MARCHF1: variants seen among roughly 807,000 people sequenced by gnomAD.
MARCHF1 encodes E3 ubiquitin-protein ligase MARCHF1.
A neutral mutation model predicts 54.2 loss-of-function variants in MARCHF1; 40 were observed. That is an observed-to-expected ratio of 0.74 (90% CI 0.57 to 0.96). The LOEUF is 0.96. MARCHF1 is among the 40% of genes least tolerant of loss of function. MARCHF1 has a pLI of 0.00. For missense variants in MARCHF1, 586 were observed against 656.5 expected, an observed-to-expected ratio of 0.89 and a Z score of 1.17; for synonymous variants, 236 against 236.3, an observed-to-expected ratio of 1.00 and a Z score of 0.01.
intron 3 of MARCHF1, among the ~76,000 whole-genome samples, chr4:163,987,382 C>T (rs1157237676): frequency 6.6e-6 from 1 of 152,182 alleles, no homozygotes; most frequent in Non-Finnish European, 1.5e-5. Context: ...CATTCAATGA[C>T]ATTTTCAAAA....
intron 4 of MARCHF1, among the ~76,000 whole-genome samples, chr4:163,750,751 C>A (rs957208488): frequency 6.6e-6 from 1 of 152,014 alleles, no homozygotes; most frequent in Non-Finnish European, 1.5e-5. Flanking sequence ...GAAAGGACAA[C>A]TTAATTCTTG....
chr4:164,310,037 T>A (rs1014816253), intron 1 of MARCHF1, among the ~76,000 whole-genome samples: 6 of 152,028 alleles, frequency 3.9e-5, no homozygotes, highest in Non-Finnish European at 7.4e-5. Context: ...TATATATTTA[T>A]GGGGTACATG....
At chr4:164,126,675 G>C (rs2110798028) in intron 1 of MARCHF1, among the ~76,000 whole-genome samples, 2 of 152,266 alleles carry the variant, frequency 1.3e-5, no homozygotes, top group Middle Eastern at 6.8e-3. Context: ...CTGTAGAGAA[G>C]GCTTCGGTCT....
chr4:163,611,722 C>T (rs905158744), intron 7 of MARCHF1, among the ~76,000 whole-genome samples: 2 of 152,064 alleles, frequency 1.3e-5, no homozygotes, highest in Non-Finnish European at 2.9e-5. Context: ...AATGTGGCCC[C>T]CTTCCCTACA....
intron 1 of MARCHF1, among the ~76,000 whole-genome samples, chr4:164,249,385 G>A (rs1188887909): frequency 5.3e-5 from 8 of 152,030 alleles, no homozygotes; most frequent in Non-Finnish European, 1.2e-4. Flanking sequence ...CTGAGGCAGA[G>A]AGGAGCATAA....
At chr4:164,313,468 C>T (rs189716889) in intron 1 of MARCHF1, among the ~76,000 whole-genome samples, 20 of 152,062 alleles carry the variant, frequency 1.3e-4, no homozygotes, top group East Asian at 9.7e-4. Flanking sequence ...TAGAGCTGGG[C>T]CAAAGCCTAG....
intron 1 of MARCHF1, among the ~76,000 whole-genome samples, chr4:164,186,621 AT>A (rs1252919430): frequency 6.6e-6 from 1 of 152,174 alleles, no homozygotes; most frequent in African/African-American, 2.4e-5. Flanking sequence ...AAAAACTCAG[AT>A]TTTGCTCAGA....
intron 1 of MARCHF1, among the ~76,000 whole-genome samples, chr4:164,324,203 G>A (rs1036664241): frequency 4.6e-5 from 7 of 151,736 alleles, no homozygotes; most frequent in African/African-American, 1.7e-4. Flanking sequence ...TATAACATTA[G>A]AAGTAGGAAA....
chr4:163,906,968 C>T (rs960494910), intron 3 of MARCHF1, among the ~76,000 whole-genome samples: 15 of 151,812 alleles, frequency 9.9e-5, no homozygotes, highest in Non-Finnish European at 2.1e-4. Context: ...CCATATATTA[C>T]CATTAATTGT....
chr4:164,379,597 A>G (rs892680649), intron 1 of MARCHF1, among the ~76,000 whole-genome samples: 1 of 152,250 alleles, frequency 6.6e-6, no homozygotes, highest in African/African-American at 2.4e-5. Flanking sequence ...ATAATGGCAA[A>G]TGAAAAATCA....
intron 2 of MARCHF1, among the ~76,000 whole-genome samples, chr4:164,017,308 C>T (rs192738701): frequency 6.6e-6 from 1 of 152,044 alleles, no homozygotes; most frequent in Admixed American, 6.6e-5. Flanking sequence ...AGGGTTCTAG[C>T]CAGTTCAATA....
intron 5 of MARCHF1, among the ~76,000 whole-genome samples, chr4:163,639,174 T>C (rs1309014358): frequency 6.6e-6 from 1 of 152,198 alleles, no homozygotes; most frequent in Non-Finnish European, 1.5e-5. Flanking sequence ...AATTTTACTT[T>C]ATGTGTATTT....
intron 4 of MARCHF1, among the ~76,000 whole-genome samples, chr4:163,834,541 C>T (rs187241748): frequency 1.2e-4 from 18 of 151,418 alleles, no homozygotes; most frequent in African/African-American, 2.4e-4. Context: ...CATGCTGGTA[C>T]ACTGCACCCA....
intron 1 of MARCHF1, among the ~76,000 whole-genome samples, chr4:164,268,948 A>T (rs975366771): frequency 2.6e-5 from 4 of 152,316 alleles, no homozygotes; most frequent in East Asian, 1.9e-4. Flanking sequence ...CAGAATTCTG[A>T]GAAGCTTGAG....
intron 1 of MARCHF1, among the ~76,000 whole-genome samples, chr4:164,166,906 A>AAT (rs147535434): frequency 2.6e-5 from 4 of 151,070 alleles, no homozygotes; most frequent in Non-Finnish European, 3.0e-5. Context: ...AAATAAAAAA[A>AAT]CAATGAATAA....
At chr4:164,075,121 T>C (rs1754950311) in intron 2 of MARCHF1, among the ~76,000 whole-genome samples, 2 of 152,198 alleles carry the variant, frequency 1.3e-5, no homozygotes, top group Non-Finnish European at 2.9e-5. Flanking sequence ...CAGGCTTTTC[T>C]ATTTGAATCA....
chr4:163,640,444 T>A (rs1310526080), intron 5 of MARCHF1, among the ~76,000 whole-genome samples: 2 of 152,150 alleles, frequency 1.3e-5, no homozygotes, highest in Non-Finnish European at 2.9e-5. Flanking sequence ...ATAAGGAAGT[T>A]GGTTAAAGAT....
intron 1 of MARCHF1, among the ~76,000 whole-genome samples, chr4:164,185,810 A>ACACACACACAC (rs1553990115): frequency 0.012 from 794 of 64,836 alleles, 7 homozygotes; most frequent in African/African-American, 0.054. Flanking sequence ...ACACACACAC[A>ACACACACACAC]AAAAAAAAAA....
At chr4:163,621,448 C>G (rs557458189) in intron 5 of MARCHF1, among the ~76,000 whole-genome samples, 1 of 152,248 alleles carries the variant, frequency 6.6e-6, no homozygotes, top group South Asian at 2.1e-4. Flanking sequence ...TTAGAAACCA[C>G]TGGTTTAGGT....
Sources: gnomAD v4.1 joint callset for allele counts (sites outside exome capture counted in the v4.1 genomes callset) on GRCh38, gnomAD v4.1.1 for gene constraint, MANE v1.5 for transcripts, NCBI Gene and HGNC (gene_info 2026-07-23, HGNC 2026-07-21) for gene names.